Variants in NLRP11 observed in about 807,000 individuals in gnomAD.
NLRP11 encodes the protein NLR family pyrin domain containing 11.
NLRP11 carries 53 observed loss-of-function variants against 79.3 expected under a neutral mutation model. The observed-to-expected ratio is 0.67, with a 90% CI of 0.54 to 0.84. The LOEUF (loss-of-function observed/expected upper bound fraction) is 0.84. Among genes scored for constraint, NLRP11 ranks in the 40% least tolerant of loss-of-function variants. The probability of loss-of-function intolerance (pLI) is 0.00; values close to 1 mark genes in which losing one functional copy is unlikely to be tolerated. For missense variants in NLRP11, 1,264 were observed against 1,255.0 expected (o/e 1.01, Z -0.11); for synonymous variants, 518 against 462.6 (o/e 1.12, Z -1.54).
chr19:55,787,800 G>GAGGGC (rs1989975724), intron 9 of NLRP11, among the ~76,000 whole-genome samples: 1 of 152,296 alleles, frequency 6.6e-6, no homozygotes, highest in South Asian at 2.1e-4. Flanking sequence ...AGTGTTTCTT[G>GAGGGC]CTGATAACTG....
chr19:55,803,193 A>G (rs1310157926), intron 4 of NLRP11, among the ~76,000 whole-genome samples: 2 of 152,100 alleles, frequency 1.3e-5, no homozygotes, highest in African/African-American at 4.8e-5. Flanking sequence ...CTAAAAACAC[A>G]AAAATTAGCT....
chr19:55,788,766 AAAAGAAT>A, intron 9 of NLRP11, 34 bp downstream of exon 9: 2 of 1,143,958 alleles, frequency 1.7e-6, no homozygotes, highest in Non-Finnish European at 2.5e-6. Flanking sequence ...AAAAAAAAAA[AAAAGAAT>A]TTTCCCCATC....
At chr19:55,817,918 A>T in exon 2 of NLRP11, 1 of 1,607,664 alleles carries the variant, frequency 6.2e-7, no homozygotes, top group Non-Finnish European at 8.5e-7. Flanking sequence ...TCGTCTGCCA[A>T]TGATCTTCCT....
chr19:55,809,630 T>G lies in NLRP11; in HGVS notation c.980A>C (p.His327Pro), dbSNP rs1025919830. ...CAGACCCACGAGTATTTCATCCTCA[T>G]GTACAAGCTGGAGGGCTGCCGACGC... The change falls in exon 3 of 10, where the codon CAT (histidine) becomes CCT (proline). Residue 327 changes from histidine (H) to proline (P), a missense_variant. Physicochemically the swap from His to Pro is moderately conservative, Grantham distance 77. Coordinates refer to ENST00000589093, the Ensembl canonical transcript of NLRP11. The surrounding 1 kb of genome is among the most constrained non-coding windows in gnomAD (Gnocchi z 4.5). The G allele has an allele frequency of 1.2e-6, 2 of 1,614,100 alleles. No individual in the cohort carries two copies. Among genetic ancestry groups the G allele is most frequent in the African/African-American group, 1.3e-5 (1 of 74,942 alleles).
In NLRP11 at chr19:55,789,458, CAG is replaced by C. The variant is rs1393364921; in HGVS notation, c.2514-61_2514-60del. On this transcript the variant is annotated intron_variant, in intron 7 of 9. Coordinates refer to ENST00000589093, the Ensembl canonical transcript of NLRP11. ...CACCTGTCTCCAAAGATTTATTTCA[CAG>C]AGTGTTAAGCATTCTTGGACCCGTC... is the stretch of plus-strand genomic sequence containing the variant. The C allele has an allele frequency of 4.0e-6, 6 of 1,498,008 alleles. No homozygotes were observed. The Admixed American group carries it at 7.6e-5, about 19-fold the overall frequency. The allele number at this position is 1,498,008 out of a possible 1,614,324, so 92.8% of individuals were successfully genotyped here. A position where few individuals can be genotyped will look rare whatever the true frequency, so the allele number is the denominator to read the frequency against.
chr19:55,801,607 G>A (rs780699983), exon 5 of NLRP11: 19 of 1,613,992 alleles, frequency 1.2e-5, no homozygotes, highest in South Asian at 5.5e-5. Context: ...GCTCGTGCAG[G>A]ATGTCATGCA....
intron 5 of NLRP11, chr19:55,798,331 T>C (rs1979142629): frequency 3.0e-6 from 3 of 985,066 alleles, no homozygotes; most frequent in Non-Finnish European, 2.4e-6. Flanking sequence ...TGAAAGCCGT[T>C]GAGGGCCTGA....
At chr19:55,815,422 A>C (rs934688455) in intron 2 of NLRP11, among the ~76,000 whole-genome samples, 2 of 95,348 alleles carry the variant, frequency 2.1e-5, no homozygotes, top group African/African-American at 1.8e-4. Flanking sequence ...CCAGCTACTC[A>C]GGAGGCTAAG....
chr19:55,824,980 C>T (rs1982150851), intron 1 of NLRP11, among the ~76,000 whole-genome samples: 1 of 46,912 alleles, frequency 2.1e-5, no homozygotes, highest in South Asian at 7.0e-4. Context: ...CACCACACCA[C>T]ACCTATTCCA....
At chr19:55,804,235 C>T (rs1193600942) in intron 4 of NLRP11, among the ~76,000 whole-genome samples, 2 of 152,134 alleles carry the variant, frequency 1.3e-5, no homozygotes, top group African/African-American at 4.8e-5. Flanking sequence ...AGCAGAACTA[C>T]CATTTGACCC....
chr19:55,811,896 A>G (rs1385161756), intron 2 of NLRP11, among the ~76,000 whole-genome samples: 1 of 152,068 alleles, frequency 6.6e-6, no homozygotes, highest in Non-Finnish European at 1.5e-5. Context: ...TAGTTTACAA[A>G]TATATTCTCC....
intron 1 of NLRP11, among the ~76,000 whole-genome samples, chr19:55,822,873 C>T (rs1433571024): frequency 6.6e-6 from 1 of 152,204 alleles, no homozygotes; most frequent in African/African-American, 2.4e-5. Context: ...ATTAGGTAAA[C>T]AAAGCAGCCA....
intron 7 of NLRP11, among the ~76,000 whole-genome samples, chr19:55,790,281 A>G (rs1339559184): frequency 6.6e-6 from 1 of 152,226 alleles, no homozygotes; most frequent in Non-Finnish European, 1.5e-5. Flanking sequence ...GGGGCCAGAT[A>G]ATAGTTTAGG....
At chr19:55,823,096 T>A (rs1568644095) in intron 1 of NLRP11, among the ~76,000 whole-genome samples, 1 of 147,120 alleles carries the variant, frequency 6.8e-6, no homozygotes, top group African/African-American at 2.6e-5. Flanking sequence ...CTCAAGTGGG[T>A]CCCTGACCCC....
upstream of NLRP11, among the ~76,000 whole-genome samples, chr19:55,834,415 T>C (rs1186473368): frequency 6.6e-6 from 1 of 152,224 alleles, no homozygotes. Context: ...AATAATCAGA[T>C]AAAAGCAAAT....
chr19:55,810,438 G>T (rs1057342914), intron 2 of NLRP11, 100 bp from the exon 3 acceptor site: 1 of 1,098,432 alleles, frequency 9.1e-7, no homozygotes, highest in African/African-American at 1.6e-5. Context: ...TAAAAATATA[G>T]TAGAAATTTT....
intron 1 of NLRP11, among the ~76,000 whole-genome samples, chr19:55,823,353 T>C (rs148533856): frequency 0.29 from 33,367 of 113,218 alleles, 8,747 homozygotes; most frequent in African/African-American, 0.53. Flanking sequence ...AAACGCAGAG[T>C]GTCTCTCCTC....
At chr19:55,808,012 T>C (rs774761925) in exon 4 of NLRP11, 2 of 1,586,136 alleles carry the variant, frequency 1.3e-6, no homozygotes, top group Non-Finnish European at 8.6e-7. Context: ...GCTCTTCATT[T>C]GACTACATAG....
chr19:55,821,578 A>T (rs1006115739), intron 1 of NLRP11, among the ~76,000 whole-genome samples: 1 of 152,224 alleles, frequency 6.6e-6, no homozygotes, highest in Non-Finnish European at 1.5e-5. Context: ...ACGTCCTCCT[A>T]AACTCACCAT....
Sources: allele counts gnomAD v4.1 joint callset (sites outside exome capture counted in the v4.1 genomes callset), GRCh38; gene constraint gnomAD v4.1.1; non-coding constraint Gnocchi (gnomAD v3.1); transcripts MANE v1.5; gene names NCBI Gene and HGNC (gene_info 2026-07-23, HGNC 2026-07-21).